Variants in FRY observed in about 807,000 individuals in gnomAD.
FRY encodes the protein FRY microtubule binding protein.
A neutral mutation model predicts 348.4 loss-of-function variants in FRY; 128 were observed. The ratio of observed to expected loss-of-function variants is 0.37; its 90% CI spans 0.32 to 0.43. The LOEUF is 0.43. Ranked by LOEUF, FRY falls within the 20% of genes least tolerant of loss-of-function variation. The pLI, the probability that FRY is intolerant of heterozygous loss-of-function variation, is 1.00. For missense variants in FRY, 2,736 were observed against 3,695.2 expected (o/e 0.74, Z 6.73); for synonymous variants, 1,370 against 1,374.7 (o/e 1.00, Z 0.08).
At chr13:32,268,501 A>AT (rs56926515) in intron 55 of FRY, among the ~76,000 whole-genome samples, 16 of 17,048 alleles carry the variant, frequency 9.4e-4, no homozygotes, top group Admixed American at 3.0e-3. Context: ...AAAAAAAAAA[A>AT]AAAAATATAT....
chr13:32,266,381 A>G (rs1887928588), intron 54 of FRY, among the ~76,000 whole-genome samples: 1 of 152,142 alleles, frequency 6.6e-6, no homozygotes, highest in Non-Finnish European at 1.5e-5. Context: ...TTCCCTGCGT[A>G]TCTCTGGTTT....
intron 3 of FRY, among the ~76,000 whole-genome samples, chr13:32,107,186 A>G (rs1469389413): frequency 1.3e-5 from 2 of 152,070 alleles, no homozygotes; most frequent in Non-Finnish European, 2.9e-5. Flanking sequence ...GCAAAACCCC[A>G]TCTCTACTAA....
At chr13:32,274,669 A>C (rs547347274) in intron 55 of FRY, among the ~76,000 whole-genome samples, 173 bp from the exon 56 acceptor site, 6 of 130,948 alleles carry the variant, frequency 4.6e-5, no homozygotes, top group African/African-American at 1.5e-4. Context: ...GCGCCACTGC[A>C]CTCCAGCCTG....
intron 49 of FRY, 50 bp from the exon 50 acceptor site, chr13:32,251,828 A>G (rs1887099819): frequency 8.4e-7 from 1 of 1,193,736 alleles, no homozygotes; most frequent in Non-Finnish European, 1.3e-6. Context: ...ATTAGAGCAG[A>G]TTTGCTCACA....
intron 55 of FRY, among the ~76,000 whole-genome samples, chr13:32,274,574 G>A (rs549622402): frequency 6.6e-6 from 1 of 151,468 alleles, no homozygotes; most frequent in East Asian, 1.9e-4. Flanking sequence ...CGTGGTGGCA[G>A]GCACCTGTAG....
chr13:32,234,882 A>G (rs956665481), intron 42 of FRY, 121 bp downstream of exon 42: 1 of 795,090 alleles, frequency 1.3e-6, no homozygotes, highest in Non-Finnish European at 2.0e-6. Flanking sequence ...CATGTACAAT[A>G]TATTTTTTCA....
chr13:32,143,100 C>T (rs951025192), intron 11 of FRY, among the ~76,000 whole-genome samples: 1 of 152,082 alleles, frequency 6.6e-6, no homozygotes, highest in Non-Finnish European at 1.5e-5. Flanking sequence ...AAGGCAGAGG[C>T]AGGAAGTGGT....
At chr13:32,256,761 A>G (rs1476753240) in intron 51 of FRY, among the ~76,000 whole-genome samples, 1 of 152,196 alleles carries the variant, frequency 6.6e-6, no homozygotes, top group Non-Finnish European at 1.5e-5. Context: ...GACCTTAAGC[A>G]TGGATGCAAT....
At chr13:32,079,185 G>T in intron 2 of FRY, 152 bp downstream of exon 2, 1 of 718,716 alleles carries the variant, frequency 1.4e-6, no homozygotes, top group Non-Finnish European at 2.5e-6. Context: ...ATAATAGTTA[G>T]GTTCCCTGAT....
intron 1 of FRY, among the ~76,000 whole-genome samples, chr13:32,043,530 G>C (rs1273590260): frequency 6.6e-6 from 1 of 152,122 alleles, no homozygotes; most frequent in Admixed American, 6.5e-5. Context: ...TGTAAGTGAT[G>C]GAGCTAGGAT....
chr13:32,290,280 T>C (rs1889271414), intron 59 of FRY, among the ~76,000 whole-genome samples: 1 of 152,158 alleles, frequency 6.6e-6, no homozygotes, highest in South Asian at 2.1e-4. Context: ...AATGAAGAAA[T>C]ACTACTGTAA....
rs988295603 is a variant in FRY, at chr13:32,237,166, A to T, written c.5811-213A>T. On this transcript the variant is annotated intron_variant, in intron 43 of 60. Transcript: ENST00000542859. This position sits in a 1 kb window ranked among gnomAD's most constrained non-coding sequence, Gnocchi z 6.3. ...TATTGATTCCTCTACATTTTCAAGA[A>T]GTAGCAGTCAGTATTGGGCTTTTTG... Among the ~76,000 whole-genome samples the T allele has an allele frequency of 6.6e-6, 1 of 152,192 alleles. No individual in the cohort carries two copies. Among genetic ancestry groups the T allele is most frequent in the African/African-American group, 2.4e-5 (1 of 41,442 alleles).
At chr13:32,183,291 C>A (rs987108276) in intron 24 of FRY, among the ~76,000 whole-genome samples, 1 of 152,136 alleles carries the variant, frequency 6.6e-6, no homozygotes, top group African/African-American at 2.4e-5. Context: ...CTATTACATT[C>A]TTTTGCAGGA....
intron 4 of FRY, among the ~76,000 whole-genome samples, chr13:32,123,937 C>T (rs1427952918): frequency 3.3e-5 from 5 of 152,082 alleles, no homozygotes; most frequent in African/African-American, 7.2e-5. Context: ...CGGGTTCAGA[C>T]GATTCTCCTG....
Position 32,254,353 on chromosome 13 carries a change from A to G in FRY, c.7375A>G (p.Arg2459Gly). The change falls in exon 51 of 61, where the codon AGA becomes GGA. Residue 2459 changes from arginine (R) to glycine (G), a missense_variant. Transcript: ENST00000542859. ...TNSEQQFRVF[R>G]DFDFLDVELE... The stretch of plus-strand genomic sequence containing the variant: ...CAGCGAGCAGCAGTTTAGAGTCTTC[A>G]GAGACTTCGACTTCCTAGATGTGGA... The G allele has an allele frequency of 1.2e-6, 2 of 1,614,156 alleles. No homozygotes were observed. Among genetic ancestry groups the G allele is most frequent in the Non-Finnish European group, 1.7e-6 (2 of 1,179,996 alleles).
intron 17 of FRY, among the ~76,000 whole-genome samples, chr13:32,170,206 T>C (rs537631534): frequency 2.0e-5 from 3 of 152,338 alleles, no homozygotes; most frequent in Admixed American, 2.0e-4. Context: ...AGTACTCAGG[T>C]TCCTCATCCT....
intron 23 of FRY, among the ~76,000 whole-genome samples, chr13:32,180,625 A>G (rs998448712): frequency 6.6e-6 from 1 of 152,196 alleles, no homozygotes; most frequent in African/African-American, 2.4e-5. Context: ...TTGCAATCAA[A>G]TAATCATTCC....
chr13:32,217,789 A>G (rs1885082024), intron 35 of FRY, among the ~76,000 whole-genome samples: 1 of 152,224 alleles, frequency 6.6e-6, no homozygotes, highest in South Asian at 2.1e-4. Context: ...AAGATTAAAT[A>G]AGATGATGTC....
At chr13:32,049,375 G>A (rs1478375718) in intron 1 of FRY, among the ~76,000 whole-genome samples, 1 of 152,218 alleles carries the variant, frequency 6.6e-6, no homozygotes, top group Non-Finnish European at 1.5e-5. Context: ...ATGACAGGGA[G>A]CATGGAAGGA....
Sources: allele counts gnomAD v4.1 joint callset (sites outside exome capture counted in the v4.1 genomes callset), GRCh38; gene constraint gnomAD v4.1.1; non-coding constraint Gnocchi (gnomAD v3.1); transcripts MANE v1.5; gene names NCBI Gene and HGNC (gene_info 2026-07-23, HGNC 2026-07-21).